Variants in RNF212B observed in about 807,000 individuals in gnomAD.
RNF212B encodes the protein E3 ubiquitin-protein ligase RNF212B.
In RNF212B, 52 loss-of-function variants were observed where a neutral mutation model predicts 55.5. The observed-to-expected ratio is 0.94, with a 90% confidence interval of 0.75 to 1.18. The LOEUF (loss-of-function observed/expected upper bound fraction) is 1.18, where lower values mean the gene tolerates loss of function less well. Among genes scored for constraint, RNF212B ranks in the 50% most tolerant of loss-of-function variants. The probability of loss-of-function intolerance (pLI) is 0.00; values close to 1 mark genes in which losing one functional copy is unlikely to be tolerated. For missense variants in RNF212B, 289 were observed against 350.4 expected (o/e 0.82, Z 1.40); for synonymous variants, 99 against 121.4 (o/e 0.82, Z 1.21).
At chr14:23,198,215 A>G (rs1307010874) in intron 2 of RNF212B, among the ~76,000 whole-genome samples, 6 of 152,186 alleles carry the variant, frequency 3.9e-5, no homozygotes, top group African/African-American at 1.4e-4. Context: ...AAATAACTAC[A>G]GACATCATGC....
intron 2 of RNF212B, among the ~76,000 whole-genome samples, chr14:23,224,683 A>G (rs1474946551): frequency 1.3e-5 from 2 of 152,218 alleles, no homozygotes; most frequent in African/African-American, 2.4e-5. Flanking sequence ...TTTCCAGGAC[A>G]CTGGTCCGGG....
chr14:23,240,503 G>A, intron 2 of RNF212B, 58 bp downstream of exon 2: 1 of 1,079,682 alleles, frequency 9.3e-7, no homozygotes, highest in Non-Finnish European at 1.4e-6. Context: ...AAGGATGTAA[G>A]GAGTAGCCAT....
chr14:23,270,139 G>C (rs1326234548), intron 13 of RNF212B, among the ~76,000 whole-genome samples, 179 bp downstream of exon 13: 1 of 152,108 alleles, frequency 6.6e-6, no homozygotes, highest in Non-Finnish European at 1.5e-5. Flanking sequence ...GGAAACTCTG[G>C]ATTTTGCCTG....
At chr14:23,201,294 C>A (rs1879265757) in intron 2 of RNF212B, among the ~76,000 whole-genome samples, 1 of 151,974 alleles carries the variant, frequency 6.6e-6, no homozygotes, top group African/African-American at 2.4e-5. Context: ...TAAAGAGAAC[C>A]AAAACAAGGC....
At chr14:23,266,850 G>A (rs1444829391) in intron 11 of RNF212B, among the ~76,000 whole-genome samples, 6 of 152,196 alleles carry the variant, frequency 3.9e-5, no homozygotes, top group Non-Finnish European at 8.8e-5. Context: ...CTAGTATATC[G>A]TGTTGTTCAA....
chr14:23,232,174 C>G lies in RNF212B; in HGVS notation c.-1-8171C>G, dbSNP rs1165503964. On this transcript the variant is annotated intron_variant, in intron 2 of 15. Transcript: ENST00000399910. ...GGAAGTGAGGAGGGCCTCTTCCCCG[C>G]CGCCATCCCGTCTAAGAAGTGAGGA... Among the ~76,000 whole-genome samples, 3 of 151,988 alleles carry G rather than the reference C, an allele frequency of 2.0e-5. No individual in the cohort carries two copies. The East Asian group carries it at 5.8e-4, about 29-fold the overall frequency.
At chr14:23,243,338 T>A in intron 3 of RNF212B, 30 bp downstream of exon 3, 1 of 1,519,264 alleles carries the variant, frequency 6.6e-7, no homozygotes, top group Non-Finnish European at 8.9e-7. Context: ...CCACAAACTG[T>A]CTCATCCCAT....
intron 4 of RNF212B, among the ~76,000 whole-genome samples, chr14:23,250,938 C>T (rs1160888780): frequency 6.6e-6 from 1 of 152,164 alleles, no homozygotes; most frequent in African/African-American, 2.4e-5. Context: ...ATCAGATATG[C>T]ATGTATCTCA....
chr14:23,237,890 G>A (rs999751318), upstream of RNF212B, among the ~76,000 whole-genome samples: 5 of 151,980 alleles, frequency 3.3e-5, no homozygotes, highest in East Asian at 7.8e-4. Context: ...TTAGCATACC[G>A]CCAGGCCCCG....
At chr14:23,196,354 C>A (rs1012091516) in intron 2 of RNF212B, among the ~76,000 whole-genome samples, 4 of 152,208 alleles carry the variant, frequency 2.6e-5, no homozygotes, top group Non-Finnish European at 5.9e-5. Flanking sequence ...GGCTTCCAAG[C>A]CCACTCTGCG....
intron 2 of RNF212B, among the ~76,000 whole-genome samples, chr14:23,216,232 C>T (rs1478426555): frequency 5.3e-5 from 8 of 151,934 alleles, no homozygotes; most frequent in African/African-American, 9.7e-5. Context: ...GGTGACAGAG[C>T]GAGACTCCAT....
At chr14:23,203,848 T>C (rs907052507) in intron 2 of RNF212B, among the ~76,000 whole-genome samples, 2 of 152,178 alleles carry the variant, frequency 1.3e-5, no homozygotes, top group Non-Finnish European at 2.9e-5. Flanking sequence ...TTACCACCAG[T>C]AGTGTAGAAG....
chr14:23,243,384 G>T, intron 3 of RNF212B, 76 bp downstream of exon 3: 2 of 1,255,210 alleles, frequency 1.6e-6, no homozygotes, highest in Non-Finnish European at 2.2e-6. Flanking sequence ...AAGTACAGAT[G>T]ATGAATTGTT....
upstream of RNF212B, among the ~76,000 whole-genome samples, chr14:23,235,825 T>C (rs1883054390): frequency 6.6e-6 from 1 of 152,232 alleles, no homozygotes; most frequent in African/African-American, 2.4e-5. Flanking sequence ...AAATCGTGCA[T>C]GGGCAAAAGA....
intron 2 of RNF212B, among the ~76,000 whole-genome samples, chr14:23,211,271 C>T (rs538156258): frequency 4.6e-5 from 7 of 150,804 alleles, no homozygotes; most frequent in Non-Finnish European, 7.4e-5. Flanking sequence ...TAAAAATGGA[C>T]GAACTCCTTG....
intron 2 of RNF212B, among the ~76,000 whole-genome samples, chr14:23,204,100 T>A (rs1879601164): frequency 6.6e-6 from 1 of 152,204 alleles, no homozygotes; most frequent in South Asian, 2.1e-4. Context: ...TTTGTTTGAG[T>A]TCGTTGTAGA....
rs754364658 is a variant in RNF212B, at chr14:23,240,441, T to C, written c.96T>C (p.Thr32=). The C allele has an allele frequency of 3.9e-6, 6 of 1,542,294 alleles. No homozygotes were observed. The highest frequency in any genetic ancestry group is 2.4e-5 in the East Asian group (1 of 40,876). Residue 32 remains threonine (T), a synonymous_variant, in exon 2 of 15, where the codon ACT becomes ACC. Transcript: ENST00000430154. ...CGHIFCKKCV[T]LEKCAVCGTA... ...ATATTTTCTGTAAAAAGTGTGTGAC[T>C]CTGGGTGAGTGACTCAACTGTTTTC...
intron 2 of RNF212B, among the ~76,000 whole-genome samples, chr14:23,197,381 G>T (rs544197988): frequency 3.9e-5 from 6 of 152,218 alleles, no homozygotes; most frequent in African/African-American, 1.4e-4. Context: ...ACAAAAATTA[G>T]CCATGTGTGG....
intron 2 of RNF212B, among the ~76,000 whole-genome samples, chr14:23,223,034 A>G (rs1351869240): frequency 5.5e-5 from 8 of 145,192 alleles, no homozygotes; most frequent in Non-Finnish European, 9.0e-5. Flanking sequence ...AGCTTGGGCA[A>G]CAAGAGTGAA....
Sources: allele counts gnomAD v4.1 joint callset (sites outside exome capture counted in the v4.1 genomes callset), GRCh38; gene constraint gnomAD v4.1.1; transcripts MANE v1.5; gene names NCBI Gene and HGNC (gene_info 2026-07-23, HGNC 2026-07-21).